The following C1QTNF7 variants were observed in gnomAD, a reference collection of about 807,000 sequenced individuals.
C1QTNF7 encodes C1q and TNF related 7, also known as complement C1q tumor necrosis factor-related protein 7.
C1QTNF7 carries 15 observed loss-of-function variants against 19.6 expected under a neutral mutation model. The observed-to-expected ratio is 0.76, with a 90% confidence interval of 0.51 to 1.18. The LOEUF is 1.18. C1QTNF7 is among the 50% of genes most tolerant of loss of function. The pLI is 0.00. For missense variants in C1QTNF7, 324 were observed against 359.7 expected (o/e 0.90, Z 0.80); for synonymous variants, 142 against 137.5 (o/e 1.03, Z -0.23).
At position 15,444,080 on chromosome 4, in the gene C1QTNF7, T is replaced by C. The variant is rs1712898547; in HGVS notation, c.*1281T>C. 1 of 152,216 alleles carries C rather than the reference T, an allele frequency of 6.6e-6. No homozygotes were observed. The highest frequency in any genetic ancestry group is 2.1e-4 in the South Asian group (1 of 4,826). The allele number at this position is 152,216 out of a possible 1,614,324, so 9.4% of individuals were successfully genotyped here. ...TCAATTATTCTCTTCCATGATTTTG[T>C]CTGATCTACCATTTCTATGGTTTAT... On this transcript the variant is annotated 3_prime_UTR_variant, in exon 3 of 3. Coordinates refer to ENST00000444304, the MANE Select transcript of C1QTNF7 (RefSeq NM_031911.5).
intron 1 of C1QTNF7, among the ~76,000 whole-genome samples, chr4:15,387,183 A>C (rs1419867563): frequency 6.6e-6 from 1 of 152,196 alleles, no homozygotes; most frequent in Non-Finnish European, 1.5e-5. Context: ...TGGCCTGAGC[A>C]TCCGAAAGAA....
chr4:15,422,552 A>G (rs17384915), intron 1 of C1QTNF7, among the ~76,000 whole-genome samples: 41,666 of 152,170 alleles, frequency 0.27, 6,504 homozygotes, highest in Middle Eastern at 0.37. Flanking sequence ...CTCAGTGGGT[A>G]CATGGAAATT....
chr4:15,352,812 G>A (rs545441549), intron 1 of C1QTNF7, among the ~76,000 whole-genome samples: 1 of 152,250 alleles, frequency 6.6e-6, no homozygotes, highest in East Asian at 1.9e-4. Context: ...AGTCCTTGCT[G>A]ACTGTTGCCT....
chr4:15,425,644 A>G (rs1024757), upstream of C1QTNF7, among the ~76,000 whole-genome samples: 142,636 of 152,228 alleles, frequency 0.94, 66,929 homozygotes, highest in African/African-American at 0.98. Context: ...TATGGTAAGT[A>G]GTTAGGTGTG....
chr4:15,408,387 A>C (rs1409018380), intron 1 of C1QTNF7, among the ~76,000 whole-genome samples: 1 of 152,022 alleles, frequency 6.6e-6, no homozygotes, highest in African/African-American at 2.4e-5. Flanking sequence ...CAAATAACTC[A>C]ATAAGGTCAA....
intron 1 of C1QTNF7, among the ~76,000 whole-genome samples, chr4:15,367,188 C>T (rs1000997766): frequency 6.6e-6 from 1 of 152,142 alleles, no homozygotes; most frequent in Non-Finnish European, 1.5e-5. Flanking sequence ...AGAAAGAAGG[C>T]AATTTCCAGT....
chr4:15,395,353 TAA>T (rs1718745672), intron 1 of C1QTNF7, among the ~76,000 whole-genome samples: 1 of 152,110 alleles, frequency 6.6e-6, no homozygotes, highest in South Asian at 2.1e-4. Flanking sequence ...TTTTTGCATT[TAA>T]AAAAAGAGTG....
intron 1 of C1QTNF7, among the ~76,000 whole-genome samples, chr4:15,350,322 A>AGGGAG (rs1553884471): frequency 9.2e-5 from 3 of 32,478 alleles, no homozygotes; most frequent in African/African-American, 2.7e-4. Flanking sequence ...GAGGGAAGGA[A>AGGGAG]GGAGGAAAGA....
intron 1 of C1QTNF7, among the ~76,000 whole-genome samples, chr4:15,387,987 C>A (rs1405997345): frequency 6.6e-6 from 1 of 152,060 alleles, no homozygotes; most frequent in East Asian, 1.9e-4. Context: ...GGCACAGGTG[C>A]AAGGTTGACC....
chr4:15,387,730 AGAAGTGGTAGTAT>A (rs780036517), intron 1 of C1QTNF7, among the ~76,000 whole-genome samples: 2 of 152,214 alleles, frequency 1.3e-5, no homozygotes, highest in Non-Finnish European at 2.9e-5. Context: ...GTCTGAAAAG[AGAAGTGGTAGTAT>A]ATACAGTAAT....
chr4:15,392,441 C>T (rs1265298997), intron 1 of C1QTNF7, among the ~76,000 whole-genome samples: 2 of 152,204 alleles, frequency 1.3e-5, no homozygotes, highest in African/African-American at 2.4e-5. Flanking sequence ...AGCCCGGTGC[C>T]CCTTCAGCCC....
At chr4:15,406,669 A>C (rs1560358976) in intron 1 of C1QTNF7, among the ~76,000 whole-genome samples, 2 of 152,222 alleles carry the variant, frequency 1.3e-5, no homozygotes, top group Non-Finnish European at 2.9e-5. Context: ...ATCCAACAAT[A>C]GGGAATTAGT....
chr4:15,442,524 A>G lies in C1QTNF7; in HGVS notation c.595A>G (p.Ile199Val). The change falls in exon 3 of 3, where the codon ATC (isoleucine) becomes GTC (valine). Residue 199 changes from isoleucine (I) to valine (V), a missense_variant. Transcript: ENST00000444304. The stretch of plus-strand genomic sequence containing the variant: ...AGGGATCTATTACTTTTCTTATGAT[A>G]TCACATTGGCTAATAAGCATCTGGC... ...FPGIYYFSYD[I>V]TLANKHLAIG... 1 of 1,614,214 alleles carries G rather than the reference A, an allele frequency of 6.2e-7. No individual in the cohort carries two copies.
rs111867673 is a variant in C1QTNF7 at position 15,445,561 on chromosome 4, G to A, written c.*2762G>A. 2 of 152,170 alleles carry A rather than the reference G, an allele frequency of 1.3e-5. No homozygotes were observed. Among genetic ancestry groups the A allele is most frequent in the African/African-American group, 4.8e-5 (2 of 41,426 alleles). The allele number at this position is 152,170 out of a possible 1,614,324, so 9.4% of individuals were successfully genotyped here. A position where few individuals can be genotyped will look rare whatever the true frequency, so the allele number is the denominator to read the frequency against. On this transcript the variant is annotated 3_prime_UTR_variant, in exon 3 of 3. Coordinates refer to ENST00000444304, the MANE Select transcript of C1QTNF7 (RefSeq NM_031911.5). ...AGATGAATTTCGTTTTCAAATATCT[G>A]GTGGGATGGTAATGGGGATTAGAGA...
At chr4:15,429,535 G>T (rs1339114435) in intron 1 of C1QTNF7, among the ~76,000 whole-genome samples, 1 of 152,076 alleles carries the variant, frequency 6.6e-6, no homozygotes, top group Non-Finnish European at 1.5e-5. Context: ...CTGTCTTCAG[G>T]GTTCCTCATG....
intron 2 of C1QTNF7, among the ~76,000 whole-genome samples, chr4:15,441,586 G>A (rs952770444): frequency 1.1e-4 from 17 of 152,184 alleles, no homozygotes; most frequent in Admixed American, 5.2e-4. Context: ...TAATATAGTG[G>A]CAAGTGATCC....
upstream of C1QTNF7, among the ~76,000 whole-genome samples, chr4:15,425,523 A>G (rs1423378561): frequency 6.6e-6 from 1 of 152,184 alleles, no homozygotes; most frequent in African/African-American, 2.4e-5. Flanking sequence ...TTCCTAACAG[A>G]ACCCAGGGCA....
chr4:15,366,430 C>T (rs1311931981), intron 1 of C1QTNF7, among the ~76,000 whole-genome samples: 1 of 152,140 alleles, frequency 6.6e-6, no homozygotes. Flanking sequence ...TGGTATGGCA[C>T]ATGAAAAACT....
At chr4:15,435,366 T>C (rs1712486735) in intron 1 of C1QTNF7, among the ~76,000 whole-genome samples, 1 of 152,236 alleles carries the variant, frequency 6.6e-6, no homozygotes, top group South Asian at 2.1e-4. Context: ...TGTTGATGTT[T>C]ATCTTTTTCA....
Sources: allele counts gnomAD v4.1 joint callset (sites outside exome capture counted in the v4.1 genomes callset), GRCh38; gene constraint gnomAD v4.1.1; transcripts MANE v1.5; gene names NCBI Gene and HGNC (gene_info 2026-07-23, HGNC 2026-07-21).